ADAMTS20: variants seen among roughly 807,000 people sequenced by gnomAD.
ADAMTS20 encodes ADAM metallopeptidase with thrombospondin type 1 motif 20.
ADAMTS20 carries 225 observed loss-of-function variants against 260.1 expected under a neutral mutation model. That is an observed-to-expected ratio of 0.87 (90% CI 0.78 to 0.97). The LOEUF is 0.97. Among genes scored for constraint, ADAMTS20 ranks in the 50% least tolerant of loss-of-function variants. The pLI is 0.00. For synonymous variants in ADAMTS20, 802 were observed against 769.5 expected, an observed-to-expected ratio of 1.04 and a Z score of -0.70; for missense variants, 2,400 against 2,337.7, an observed-to-expected ratio of 1.03 and a Z score of -0.55.
intron 4 of ADAMTS20, among the ~76,000 whole-genome samples, chr12:43,500,758 CTATT>C (rs71091162): frequency 0.44 from 67,265 of 151,616 alleles, 15,971 homozygotes; most frequent in East Asian, 0.89. Flanking sequence ...CTTTCAGTAA[CTATT>C]TATTGAGTAC....
chr12:43,501,860 C>T (rs1942772030), intron 4 of ADAMTS20, among the ~76,000 whole-genome samples: 1 of 152,108 alleles, frequency 6.6e-6, no homozygotes, highest in Admixed American at 6.5e-5. Context: ...CTAGGATAGT[C>T]CTGTCACTAG....
intron 14 of ADAMTS20, among the ~76,000 whole-genome samples, chr12:43,449,673 G>A (rs527926305): frequency 2.0e-5 from 3 of 152,050 alleles, no homozygotes; most frequent in East Asian, 3.9e-4. Context: ...CTATAAGCAT[G>A]GTGCTTTAAA....
chr12:43,508,767 A>T (rs1465161801), intron 3 of ADAMTS20, among the ~76,000 whole-genome samples: 2 of 152,132 alleles, frequency 1.3e-5, no homozygotes, highest in Non-Finnish European at 2.9e-5. Flanking sequence ...AAATAATCCA[A>T]TTATACTCTT....
rs1210201413 is a variant in ADAMTS20, at chr12:43,552,133, C to A, written c.-212G>T. ...AGCCGCTGCTTCATCGCACTGCAGC[C>A]TCACCCCCCTTCCTGCGCCCGCGCT... is the stretch of plus-strand genomic sequence containing the variant. On this transcript the variant is annotated 5_prime_UTR_variant, in exon 1 of 39. The change creates a new upstream start codon in the 5' untranslated region. Transcript: ENST00000389420. Among the ~76,000 whole-genome samples the A allele has an allele frequency of 6.6e-6, 1 of 152,232 alleles. No individual in the cohort carries two copies. Among genetic ancestry groups the A allele is most frequent in the African/African-American group, 2.4e-5 (1 of 41,468 alleles).
intron 38 of ADAMTS20, among the ~76,000 whole-genome samples, chr12:43,355,552 TTA>T (rs1387599739): frequency 6.6e-6 from 1 of 152,144 alleles, no homozygotes; most frequent in Non-Finnish European, 1.5e-5. Flanking sequence ...TAAATTTCAT[TTA>T]TGAGAAATAT....
chr12:43,398,779 G>A (rs1310251031), intron 29 of ADAMTS20, among the ~76,000 whole-genome samples: 1 of 152,122 alleles, frequency 6.6e-6, no homozygotes, highest in African/African-American at 2.4e-5. Flanking sequence ...GGGAGGATAA[G>A]ATGGGAGGAT....
chr12:43,448,524 A>C (rs1277246501), intron 14 of ADAMTS20, among the ~76,000 whole-genome samples: 1 of 152,214 alleles, frequency 6.6e-6, no homozygotes, highest in Non-Finnish European at 1.5e-5. Context: ...GTAAAACCCC[A>C]AACTATAAAA....
chr12:43,505,532 G>C (rs1005026343), intron 3 of ADAMTS20, among the ~76,000 whole-genome samples: 5 of 152,058 alleles, frequency 3.3e-5, no homozygotes, highest in Non-Finnish European at 7.4e-5. Flanking sequence ...CATATGAAAA[G>C]ATGCTCAGCA....
At chr12:43,417,235 C>T (rs1452954493) in intron 28 of ADAMTS20, among the ~76,000 whole-genome samples, 1 of 152,168 alleles carries the variant, frequency 6.6e-6, no homozygotes, top group African/African-American at 2.4e-5. Context: ...CCCTGAGTCA[C>T]AGCTGCAAAA....
intron 2 of ADAMTS20, among the ~76,000 whole-genome samples, chr12:43,547,017 T>C (rs1035893079): frequency 1.4e-4 from 22 of 152,168 alleles, no homozygotes; most frequent in Non-Finnish European, 2.9e-4. Context: ...ATACTAGTTA[T>C]GGTTCAGAGA....
Position 43,423,667 on chromosome 12 carries a change from T to G in ADAMTS20, c.4284+1847A>C, listed in dbSNP as rs1179935614. The stretch of plus-strand genomic sequence containing the variant: ...CAGTAAGCAGAAAGTGGATTTCCAA[T>G]CTAAGATAGCTAATAAAAATATCTT... On this transcript the variant is annotated intron_variant, in intron 28 of 38. Transcript: ENST00000389420. 4 of 695,270 alleles carry G rather than the reference T, an allele frequency of 5.8e-6. No individual in the cohort carries two copies. The South Asian group carries it at 6.1e-5, about 11-fold the overall frequency. 43.1% of individuals were successfully genotyped at this position (695,270 alleles called of 1,614,324 possible).
At chr12:43,495,540 T>C (rs1172994648) in intron 4 of ADAMTS20, among the ~76,000 whole-genome samples, 1 of 152,218 alleles carries the variant, frequency 6.6e-6, no homozygotes, top group Non-Finnish European at 1.5e-5. Flanking sequence ...ATAATGCTAG[T>C]TCTAGTACAT....
At chr12:43,471,037 CAGA>C (rs1942247115) in intron 7 of ADAMTS20, among the ~76,000 whole-genome samples, 1 of 152,134 alleles carries the variant, frequency 6.6e-6, no homozygotes, top group Non-Finnish European at 1.5e-5. Flanking sequence ...GTGAGCGACG[CAGA>C]AGACGGGTGA....
intron 22 of ADAMTS20, 124 bp from the exon 23 acceptor site, chr12:43,430,595 T>A: frequency 1.1e-6 from 1 of 903,362 alleles, no homozygotes; most frequent in Non-Finnish European, 1.5e-6. Flanking sequence ...TCCTTTATAC[T>A]AGATTTAAGA....
rs944040328 is a variant in ADAMTS20 at position 43,369,337 on chromosome 12, G to C, written c.5491C>G (p.Pro1831Ala). Residue 1831 changes from proline (P) to alanine (A), a missense_variant, in exon 37 of 39, where the codon CCA becomes GCA. Pro to Ala is a conservative substitution (Grantham distance 27, BLOSUM62 -1). Transcript: ENST00000389420. ...FSKTIFGNAV[P>A]FATAGDCYSA... ...TAGCAATCTCCAGCTGTGGCAAATG[G>C]AACTGCATTTCCAAATATTGTTTTG... 6.4e-7 allele frequency: 1 copy of C among 1,565,944 alleles called. No individual in the cohort carries two copies. Among genetic ancestry groups the C allele is most frequent in the African/African-American group, 1.4e-5 (1 of 72,366 alleles).
chr12:43,463,432 G>A (rs927460561), intron 10 of ADAMTS20, among the ~76,000 whole-genome samples: 2 of 152,014 alleles, frequency 1.3e-5, no homozygotes, highest in South Asian at 4.1e-4. Flanking sequence ...TTCCTATTTT[G>A]TGAATATAAT....
At chr12:43,394,514 C>T (rs1206417823) in intron 29 of ADAMTS20, among the ~76,000 whole-genome samples, 1 of 152,030 alleles carries the variant, frequency 6.6e-6, no homozygotes, top group African/African-American at 2.4e-5. Context: ...TACCCTTTAA[C>T]CTGTAAAATC....
At chr12:43,396,199 C>T (rs533627566) in intron 29 of ADAMTS20, among the ~76,000 whole-genome samples, 2 of 151,992 alleles carry the variant, frequency 1.3e-5, no homozygotes, top group East Asian at 3.9e-4. Context: ...GTTACTAAAT[C>T]CTTTCGTTAA....
Position 43,434,347 on chromosome 12 carries a change from C to T in ADAMTS20, c.2618G>A (p.Cys873Tyr). ...AACACTATGATCACTCTTATGTATG[C>T]AAGTTATGTTTCTTCGCTGAAGACC... Reference protein sequence around the residue: ...CQGLQRRNITCIHKSDHSVVS... With the variant: ...CQGLQRRNITYIHKSDHSVVS... Residue 873 changes from cysteine (C) to tyrosine (Y), a missense_variant, in exon 19 of 39, where the codon TGC becomes TAC. Physicochemically the swap from Cys to Tyr is radical, Grantham distance 194. Coordinates refer to ENST00000389420, the MANE Select transcript of ADAMTS20 (RefSeq NM_025003.5). 1 of 1,586,586 alleles carries T rather than the reference C, an allele frequency of 6.3e-7. No individual in the cohort carries two copies. The highest frequency in any genetic ancestry group is 1.2e-5 in the South Asian group (1 of 86,094).
Sources: allele counts gnomAD v4.1 joint callset (sites outside exome capture counted in the v4.1 genomes callset), GRCh38; gene constraint gnomAD v4.1.1; transcripts MANE v1.5; gene names NCBI Gene and HGNC (gene_info 2026-07-23, HGNC 2026-07-21).